UBL3: variants seen among roughly 807,000 people sequenced by gnomAD.
UBL3 encodes the protein ubiquitin like 3.
A neutral mutation model predicts 18.4 loss-of-function variants in UBL3; 6 were observed. That is an observed-to-expected ratio of 0.33 (90% CI 0.18 to 0.64). The LOEUF (loss-of-function observed/expected upper bound fraction) is 0.64, where lower values mean the gene tolerates loss of function less well. Among genes scored for constraint, UBL3 ranks in the 30% least tolerant of loss-of-function variants. UBL3 has a pLI of 0.76. For synonymous variants in UBL3, 49 were observed against 46.6 expected, an observed-to-expected ratio of 1.05 and a Z score of -0.21; for missense variants, 109 against 142.9, an observed-to-expected ratio of 0.76 and a Z score of 1.21.
At chr13:29,774,250 CTAAG>C (rs754127033) in intron 2 of UBL3, among the ~76,000 whole-genome samples, 10 of 152,126 alleles carry the variant, frequency 6.6e-5, no homozygotes, top group Non-Finnish European at 1.2e-4. Flanking sequence ...ATTTTAATAT[CTAAG>C]TAAGTAATTA....
In UBL3 at chr13:29,826,663, G is replaced by GT. The variant is rs532446313; in HGVS notation, c.27+22848dup. 2.0e-3 allele frequency among the ~76,000 whole-genome samples: 307 copies of GT among 152,204 alleles called. 1 individual carries two copies. The highest frequency in any genetic ancestry group is 6.8e-3 in the African/African-American group (284 of 41,514). On this transcript the variant is annotated intron_variant, in intron 1 of 4. Coordinates refer to ENST00000380680, the MANE Select transcript of UBL3 (RefSeq NM_007106.4). Reference sequence around the variant, plus strand: ...TCCTGGATTATTGATTTTTTGAAGGGTTTTTTGTGTCTCTATCTCCTTCAG... The same window carrying GT: ...TCCTGGATTATTGATTTTTTGAAGGGTTTTTTTGTGTCTCTATCTCCTTCAG...
rs1271543438 is a variant in UBL3, at chr13:29,764,712, ATGAG to A, written c.*2539_*2542del. ...GTTCAGGACAATTTAGGTAAAAGAG[ATGAG>A]TGAGACACCAGCGTTAGGCAGGGAC... On this transcript the variant is annotated 3_prime_UTR_variant, in exon 5 of 5. Transcript: ENST00000380680. 1.3e-5 allele frequency: 2 copies of A among 152,220 alleles called. No homozygotes were observed. The highest frequency in any genetic ancestry group is 2.9e-5 in the Non-Finnish European group (2 of 68,040). The allele number at this position is 152,220 out of a possible 1,614,324, so 9.4% of individuals were successfully genotyped here. A position where few individuals can be genotyped will look rare whatever the true frequency, so the allele number is the denominator to read the frequency against.
chr13:29,839,005 A>C (rs1222290646), intron 1 of UBL3, among the ~76,000 whole-genome samples: 2 of 152,238 alleles, frequency 1.3e-5, no homozygotes, highest in African/African-American at 4.8e-5. Flanking sequence ...AGGAAGACAG[A>C]ACAATCATAA....
intron 1 of UBL3, among the ~76,000 whole-genome samples, chr13:29,808,220 A>C (rs1877945913): frequency 6.6e-6 from 1 of 152,188 alleles, no homozygotes; most frequent in Non-Finnish European, 1.5e-5. Flanking sequence ...TATAGCTAGC[A>C]AGTTAATTTT....
At chr13:29,820,678 T>C (rs367997925) in intron 1 of UBL3, among the ~76,000 whole-genome samples, 14 of 152,318 alleles carry the variant, frequency 9.2e-5, no homozygotes, top group African/African-American at 3.4e-4. Context: ...TTCTAATGAA[T>C]TAACTATAGA....
chr13:29,780,392 G>A (rs866979309), intron 1 of UBL3, among the ~76,000 whole-genome samples: 74 of 117,388 alleles, frequency 6.3e-4, no homozygotes, highest in Non-Finnish European at 9.7e-4. Context: ...ATATATATAT[G>A]TGTGTGTGTG....
intron 1 of UBL3, among the ~76,000 whole-genome samples, chr13:29,780,386 A>ATG (rs1307229691): frequency 0.013 from 1,486 of 116,498 alleles, 25 homozygotes; most frequent in East Asian, 0.075. Context: ...ATATATATAT[A>ATG]TATATGTGTG....
chr13:29,814,466 AT>A (rs1482022210), intron 1 of UBL3, among the ~76,000 whole-genome samples: 1 of 152,022 alleles, frequency 6.6e-6, no homozygotes, highest in Non-Finnish European at 1.5e-5. Flanking sequence ...ATAATAAAAA[AT>A]AATAAAAATT....
chr13:29,829,104 T>G (rs993662882), intron 1 of UBL3, among the ~76,000 whole-genome samples: 10 of 152,002 alleles, frequency 6.6e-5, no homozygotes, highest in African/African-American at 2.4e-4. Context: ...TGCCTCCCAG[T>G]AGGGTGCCTC....
chr13:29,772,289 T>C lies in UBL3; in HGVS notation c.137-91A>G. The C allele has an allele frequency of 6.4e-6, 7 of 1,098,212 alleles. No homozygotes were observed. The South Asian group carries it at 8.1e-5, about 13-fold the overall frequency. 68.0% of individuals were successfully genotyped at this position (1,098,212 alleles called of 1,614,324 possible). ...TTTAAAAATTCAGATCCAAATCAGT[T>C]AGAGTACAAAGAAGGCCCTTGGAGC... On this transcript the variant is annotated intron_variant, in intron 2 of 4. Coordinates refer to ENST00000380680, the MANE Select transcript of UBL3 (RefSeq NM_007106.4).
intron 1 of UBL3, among the ~76,000 whole-genome samples, chr13:29,819,370 C>T (rs1878366973): frequency 6.6e-6 from 1 of 152,174 alleles, no homozygotes; most frequent in Admixed American, 6.5e-5. Context: ...CACATCAAGG[C>T]TATCCATATC....
At chr13:29,792,915 T>C (rs981394678) in intron 1 of UBL3, among the ~76,000 whole-genome samples, 2 of 152,228 alleles carry the variant, frequency 1.3e-5, no homozygotes, top group Non-Finnish European at 2.9e-5. Flanking sequence ...CATCTGTGCA[T>C]ACTTTCTAAG....
intron 1 of UBL3, among the ~76,000 whole-genome samples, chr13:29,825,299 G>A (rs1878586740): frequency 6.6e-6 from 1 of 152,158 alleles, no homozygotes; most frequent in South Asian, 2.1e-4. Context: ...GGGCAGTATG[G>A]CCATTTTCAC....
intron 1 of UBL3, among the ~76,000 whole-genome samples, chr13:29,809,360 A>T (rs558705891): frequency 1.3e-5 from 2 of 152,286 alleles, no homozygotes; most frequent in East Asian, 3.9e-4. Flanking sequence ...TCCAAAGCAG[A>T]AAAGAAAAAG....
At chr13:29,845,944 C>G (rs1052503774) in intron 1 of UBL3, among the ~76,000 whole-genome samples, 1 of 151,942 alleles carries the variant, frequency 6.6e-6, no homozygotes, top group Admixed American at 6.6e-5. Flanking sequence ...AAATAGTAGC[C>G]TAAATGTTGT....
At position 29,810,289 on chromosome 13, in the gene UBL3, T is replaced by C. The variant is rs758305503; in HGVS notation, c.28-33026A>G. Among the ~76,000 whole-genome samples the C allele has an allele frequency of 1.1e-4, 17 of 152,044 alleles. No individual in the cohort carries two copies. In the South Asian group the frequency reaches 2.3e-3, roughly 20 times the overall value. ...AGATTGTCTGGGCTAGAAATACACA[T>C]TTGGGGGTCATCAGCATTTAAGTGG... On this transcript the variant is annotated intron_variant, in intron 1 of 4. Transcript: ENST00000380680.
At position 29,764,403 on chromosome 13, in the gene UBL3, T is replaced by C. The variant is rs1449451110; in HGVS notation, c.*2852A>G. 1.3e-5 allele frequency: 2 copies of C among 152,166 alleles called. No individual in the cohort carries two copies. Among genetic ancestry groups the C allele is most frequent in the Non-Finnish European group, 2.9e-5 (2 of 68,016 alleles). The allele number at this position is 152,166 out of a possible 1,614,324, so 9.4% of individuals were successfully genotyped here. On this transcript the variant is annotated 3_prime_UTR_variant, in exon 5 of 5. Coordinates refer to ENST00000380680, the MANE Select transcript of UBL3 (RefSeq NM_007106.4). ...TAGAAGCCATTTTAAAGAAGAGAAATATTCTACAACAGATGAAGAAAGTTT... is the reference window on the plus strand; with the variant it reads ...TAGAAGCCATTTTAAAGAAGAGAAACATTCTACAACAGATGAAGAAAGTTT...
intron 1 of UBL3, among the ~76,000 whole-genome samples, chr13:29,790,624 T>A (rs922049110): frequency 1.3e-5 from 2 of 152,176 alleles, no homozygotes; most frequent in Non-Finnish European, 2.9e-5. Flanking sequence ...AAACACTACT[T>A]TATATGTTTC....
chr13:29,765,678 C>T lies in UBL3; in HGVS notation c.*1577G>A, dbSNP rs532887800. On this transcript the variant is annotated 3_prime_UTR_variant, in exon 5 of 5. Transcript: ENST00000380680. The stretch of plus-strand genomic sequence containing the variant: ...GTAAGTACAGGTTGCAGAAAGAAAA[C>T]GTTTAGTGCTATTTACATTCATTTT... 5 of 152,406 alleles carry T rather than the reference C, an allele frequency of 3.3e-5. No homozygotes were observed. Among genetic ancestry groups the T allele is most frequent in the African/African-American group, 1.2e-4 (5 of 41,490 alleles). 9.4% of individuals were successfully genotyped at this position (152,406 alleles called of 1,614,324 possible).
Sources: gnomAD v4.1 joint callset for allele counts (sites outside exome capture counted in the v4.1 genomes callset) on GRCh38, gnomAD v4.1.1 for gene constraint, MANE v1.5 for transcripts, NCBI Gene and HGNC (gene_info 2026-07-23, HGNC 2026-07-21) for gene names.